Variants in MRC1 observed in about 807,000 individuals in gnomAD.
MRC1 encodes the protein mannose receptor C-type 1, also known as macrophage mannose receptor 1.
MRC1 carries 62 observed loss-of-function variants against 102.9 expected under a neutral mutation model. The ratio of observed to expected loss-of-function variants is 0.60; its 90% CI spans 0.49 to 0.74. The LOEUF (loss-of-function observed/expected upper bound fraction) is 0.74. Among genes scored for constraint, MRC1 ranks in the 30% least tolerant of loss-of-function variants. MRC1 has a pLI of 0.00. For missense variants in MRC1, 1,237 were observed against 862.8 expected (o/e 1.43, Z -5.43); for synonymous variants, 457 against 298.4 (o/e 1.53, Z -5.48).
At chr10:17,881,242 G>T (rs1314681565) in intron 21 of MRC1, 61 bp downstream of exon 21, 1 of 757,960 alleles carries the variant, frequency 1.3e-6, no homozygotes, top group Admixed American at 1.8e-5. Context: ...CTGCAAAATG[G>T]TAAAATATTG....
chr10:17,871,839 G>C, intron 14 of MRC1, 143 bp from the exon 15 acceptor site: 1 of 685,492 alleles, frequency 1.5e-6, no homozygotes, highest in Admixed American at 2.3e-5. Flanking sequence ...TTTGTGAACT[G>C]TGCTTTCAAA....
rs1838873910 is a variant in MRC1 at position 17,849,190 on chromosome 10, T to A, written c.1064-389T>A. ...GTGGCTTATGCCCTGTAGTAGCAGCTACTTAGGAGGCTGAGGCAGGAGGAC... is the reference window on the plus strand; with the variant it reads ...GTGGCTTATGCCCTGTAGTAGCAGCAACTTAGGAGGCTGAGGCAGGAGGAC... On this transcript the variant is annotated intron_variant, in intron 6 of 29. Coordinates refer to ENST00000569591, the MANE Select transcript of MRC1 (RefSeq NM_002438.4). 2.0e-5 allele frequency among the ~76,000 whole-genome samples: 3 copies of A among 151,210 alleles called. No individual in the cohort carries two copies. The South Asian group carries it at 6.4e-4, about 32-fold the overall frequency.
chr10:17,909,283 AATT>A lies in MRC1; in HGVS notation c.4079-22_4079-20del. ...CCTGCAATTATTCTGGGTTTTTATAAATTTTTTTTTTTTTACACACAGTTATTG... is the reference window on the plus strand; with the variant it reads ...CCTGCAATTATTCTGGGTTTTTATAATTTTTTTTTTTACACACAGTTATTG... On this transcript the variant is annotated intron_variant, in intron 28 of 29. Coordinates refer to ENST00000569591, the MANE Select transcript of MRC1 (RefSeq NM_002438.4). The A allele has an allele frequency of 3.6e-6, 3 of 842,868 alleles. No individual in the cohort carries two copies. Among genetic ancestry groups the A allele is most frequent in the African/African-American group, 3.4e-5 (2 of 58,928 alleles). The allele number at this position is 842,868 out of a possible 1,614,324, so 52.2% of individuals were successfully genotyped here. A position where few individuals can be genotyped will look rare whatever the true frequency, so the allele number is the denominator to read the frequency against.
chr10:17,851,335 A>C (rs1223327620), intron 7 of MRC1, among the ~76,000 whole-genome samples: 1 of 152,146 alleles, frequency 6.6e-6, no homozygotes, highest in Non-Finnish European at 1.5e-5. Context: ...TAATAAAAGT[A>C]AAGTTGTAAA....
At chr10:17,832,867 G>A (rs1291382311) in intron 3 of MRC1, among the ~76,000 whole-genome samples, 1 of 152,092 alleles carries the variant, frequency 6.6e-6, no homozygotes, top group African/African-American at 2.4e-5. Context: ...AGGATTACAG[G>A]CGTGAGCCGC....
At chr10:17,838,925 TA>T (rs1838710003) in intron 4 of MRC1, among the ~76,000 whole-genome samples, 2 of 152,236 alleles carry the variant, frequency 1.3e-5, no homozygotes, top group African/African-American at 4.8e-5. Context: ...TGCTCTTTTA[TA>T]AAATTACAAA....
chr10:17,902,009 G>C lies in MRC1; in HGVS notation c.3686G>C (p.Arg1229Thr). 1.3e-6 allele frequency: 1 copy of C among 780,818 alleles called. No homozygotes were observed. Among genetic ancestry groups the C allele is most frequent in the Non-Finnish European group, 2.4e-6 (1 of 417,962 alleles). The allele number at this position is 780,818 out of a possible 1,614,324, so 48.4% of individuals were successfully genotyped here. A position where few individuals can be genotyped will look rare whatever the true frequency, so the allele number is the denominator to read the frequency against. The part of the protein sequence containing the change: ...PATEPPQLPG[R>T]CPESDHTAWI... Reference sequence around the variant, plus strand: ...ACTGAACCCCCACAACTGCCTGGCAGATGCCCGGAGTCAGATCACACAGCA... The same window carrying C: ...ACTGAACCCCCACAACTGCCTGGCACATGCCCGGAGTCAGATCACACAGCA... Residue 1229 changes from arginine to threonine, a missense_variant, in exon 26 of 30, where the codon AGA becomes ACA. Arg to Thr is a moderately conservative substitution (Grantham distance 71). Transcript: ENST00000569591.
At position 17,910,999 on chromosome 10, in the gene MRC1, T is replaced by G. The variant is rs1589199253; in HGVS notation, c.*534T>G. On this transcript the variant is annotated 3_prime_UTR_variant, in exon 30 of 30. Coordinates refer to ENST00000569591, the MANE Select transcript of MRC1 (RefSeq NM_002438.4). ...AAGAATAAGGCAGCTGAGAATCTTGTTTCCCCCAAGAGAGTTTTACAGGCT... is the reference window on the plus strand; with the variant it reads ...AAGAATAAGGCAGCTGAGAATCTTGGTTCCCCCAAGAGAGTTTTACAGGCT... 6.0e-6 allele frequency: 1 copy of G among 166,834 alleles called. No homozygotes were observed. The highest frequency in any genetic ancestry group is 1.4e-4 in the South Asian group (1 of 7,160). 10.3% of individuals were successfully genotyped at this position (166,834 alleles called of 1,614,324 possible).
chr10:17,906,928 T>C lies in MRC1; in HGVS notation c.3842T>C (p.Phe1281Ser). 1 of 821,492 alleles carries C rather than the reference T, an allele frequency of 1.2e-6. No homozygotes were observed. The highest frequency in any genetic ancestry group is 2.2e-6 in the Non-Finnish European group (1 of 455,282). 50.9% of individuals were successfully genotyped at this position (821,492 alleles called of 1,614,324 possible). ...VSIESAAESS[F>S]LSYRVEPLKS... ...ATTGAAAGTGCTGCAGAATCCAGTT[T>C]TCTGTCATATCGGGTTGAGCCACTT... The change falls in exon 27 of 30, where the codon TTT becomes TCT. Residue 1281 changes from phenylalanine to serine, a missense_variant. Coordinates refer to ENST00000569591, the MANE Select transcript of MRC1 (RefSeq NM_002438.4).
At chr10:17,871,926 T>C in intron 14 of MRC1, 56 bp from the exon 15 acceptor site, 3 of 755,018 alleles carry the variant, frequency 4.0e-6, no homozygotes. Context: ...GGATGAATGA[T>C]TGGCATTGGC....
intron 4 of MRC1, among the ~76,000 whole-genome samples, chr10:17,840,220 G>A (rs1838730856): frequency 6.6e-6 from 1 of 152,168 alleles, no homozygotes; most frequent in Non-Finnish European, 1.5e-5. Context: ...CTTAAGCAAA[G>A]CATCCTTGGT....
chr10:17,876,094 A>G (rs926002897), intron 17 of MRC1, among the ~76,000 whole-genome samples: 1 of 152,174 alleles, frequency 6.6e-6, no homozygotes, highest in Admixed American at 6.5e-5. Flanking sequence ...AGTGTCTACA[A>G]TTGGTACCCC....
At position 17,860,890 on chromosome 10, in the gene MRC1, G is replaced by A. The variant is rs1833175037; in HGVS notation, c.1519-497G>A. ...GCATATTTGTCATAGGAGGAATGAT[G>A]TACTACTGTTTCTTTTATTCGTTTA... is the stretch of plus-strand genomic sequence containing the variant. On this transcript the variant is annotated intron_variant, in intron 9 of 29. Coordinates refer to ENST00000569591, the MANE Select transcript of MRC1 (RefSeq NM_002438.4). Among the ~76,000 whole-genome samples the A allele has an allele frequency of 2.6e-5, 4 of 152,296 alleles. 1 individual carries two copies. In the South Asian group the frequency reaches 6.2e-4, roughly 24 times the overall value.
Position 17,874,939 on chromosome 10 carries a change from T to C in MRC1, c.2387-151T>C, listed in dbSNP as rs1833408889. The C allele has an allele frequency of 1.6e-5, 11 of 694,132 alleles. No individual in the cohort carries two copies. The South Asian group carries it at 1.7e-4, about 11-fold the overall frequency. The allele number at this position is 694,132 out of a possible 1,614,324, so 43.0% of individuals were successfully genotyped here. A position where few individuals can be genotyped will look rare whatever the true frequency, so the allele number is the denominator to read the frequency against. On this transcript the variant is annotated intron_variant, in intron 16 of 29. Coordinates refer to ENST00000569591, the MANE Select transcript of MRC1 (RefSeq NM_002438.4). ...TGGGCTGGGGTTCAGATGTCTGTAT[T>C]TGACGTGGACATTCTGCTGTTCTGG...
intron 6 of MRC1, 120 bp downstream of exon 6, chr10:17,845,555 A>C: frequency 1.4e-6 from 1 of 734,054 alleles, no homozygotes; most frequent in Non-Finnish European, 2.5e-6. Flanking sequence ...TGATGGGGTA[A>C]ACTTAATGAT....
chr10:17,879,928 A>C, intron 19 of MRC1, 107 bp downstream of exon 19: 3 of 772,638 alleles, frequency 3.9e-6, no homozygotes. Context: ...CAAGATAAGA[A>C]GAGAGAATAA....
chr10:17,858,785 A>G (rs1833136685), intron 9 of MRC1, among the ~76,000 whole-genome samples: 1 of 152,118 alleles, frequency 6.6e-6, no homozygotes, highest in Non-Finnish European at 1.5e-5. Context: ...TGTGCCAGGC[A>G]TGAGCCATCA....
At chr10:17,898,861 T>C (rs1233284880) in intron 24 of MRC1, among the ~76,000 whole-genome samples, 3 of 152,224 alleles carry the variant, frequency 2.0e-5, no homozygotes, top group Admixed American at 6.5e-5. Context: ...TGCCTAGTCA[T>C]GCATCTGTCC....
In MRC1 at chr10:17,909,496, G is replaced by C. The variant is rs569361942; in HGVS notation, c.4120+149G>C. 3,620 of 638,440 alleles carry C rather than the reference G, an allele frequency of 5.7e-3. 95 individuals are homozygous for C. In the African/African-American group the frequency reaches 0.058, roughly 10 times the overall value. The allele number at this position is 638,440 out of a possible 1,614,324, so 39.5% of individuals were successfully genotyped here. A position where few individuals can be genotyped will look rare whatever the true frequency, so the allele number is the denominator to read the frequency against. ...CTATCCTTTGTCATCAGCCTACTTTGAATAATACTTTAGAAAAAGAGGCCT... is the reference window on the plus strand; with the variant it reads ...CTATCCTTTGTCATCAGCCTACTTTCAATAATACTTTAGAAAAAGAGGCCT... On this transcript the variant is annotated intron_variant, in intron 29 of 29. Coordinates refer to ENST00000569591, the MANE Select transcript of MRC1 (RefSeq NM_002438.4).
Sources: allele counts gnomAD v4.1 joint callset (sites outside exome capture counted in the v4.1 genomes callset), GRCh38; gene constraint gnomAD v4.1.1; transcripts MANE v1.5; gene names NCBI Gene and HGNC (gene_info 2026-07-23, HGNC 2026-07-21).